Variants in MAPK9 observed in about 807,000 individuals in gnomAD.
MAPK9 encodes Jun kinase.
A neutral mutation model predicts 57.1 loss-of-function variants in MAPK9; 30 were observed. The observed-to-expected ratio is 0.53, with a 90% CI of 0.39 to 0.71. The LOEUF (loss-of-function observed/expected upper bound fraction) is 0.71, where lower values mean the gene tolerates loss of function less well. Ranked by LOEUF, MAPK9 falls within the 30% of genes least tolerant of loss-of-function variation. The pLI is 0.00. For synonymous variants in MAPK9, 155 were observed against 177.0 expected, an observed-to-expected ratio of 0.88 and a Z score of 0.99; for missense variants, 362 against 521.0, an observed-to-expected ratio of 0.69 and a Z score of 2.97.
chr5:180,241,002 A>T, intron 9 of MAPK9, 29 bp downstream of exon 9: 1 of 1,606,356 alleles, frequency 6.2e-7, no homozygotes, highest in East Asian at 2.2e-5. Context: ...TGGCCTCTCT[A>T]TATAAATCTT....
chr5:180,267,932 A>G (rs148972411), intron 3 of MAPK9, among the ~76,000 whole-genome samples: 3,878 of 152,038 alleles, frequency 0.026, 173 homozygotes, highest in African/African-American at 0.089. Context: ...GTGCTATCTC[A>G]GCTCACTGCA....
At chr5:180,241,796 C>T (rs1757684109) in intron 8 of MAPK9, among the ~76,000 whole-genome samples, 8 of 152,232 alleles carry the variant, frequency 5.3e-5, no homozygotes, top group Admixed American at 5.2e-4. Flanking sequence ...AGGAAGGTGG[C>T]AATTGCCGAG....
At chr5:180,278,704 AT>A (rs2127619199) in intron 2 of MAPK9, among the ~76,000 whole-genome samples, 1 of 152,106 alleles carries the variant, frequency 6.6e-6, no homozygotes, top group Admixed American at 6.5e-5. Flanking sequence ...TCTCAAAAAA[AT>A]AAATAAATAA....
chr5:180,238,360 C>G lies in MAPK9; in HGVS notation c.1104G>C (p.Lys368Asn). The change falls in exon 11 of 12, where the codon AAG becomes AAC. Residue 368 changes from lysine to asparagine, a missense_variant. By Grantham distance (94) the Lys-to-Asn change is moderately conservative. Coordinates refer to ENST00000452135, the MANE Select transcript of MAPK9 (RefSeq NM_002752.5). ...AAGGCTGATCTTTTACAACACCATT[C>G]TTGCTTCTTTCTTCCCAATCCATGA... ...KEVMDWEERS[K>N]NGVVKDQPSD... The G allele has an allele frequency of 1.2e-6, 2 of 1,612,716 alleles. No individual in the cohort carries two copies. Among genetic ancestry groups the G allele is most frequent in the East Asian group, 4.5e-5 (2 of 44,840 alleles).
intron 5 of MAPK9, among the ~76,000 whole-genome samples, chr5:180,250,380 C>T (rs1758549824): frequency 6.6e-6 from 1 of 152,206 alleles, no homozygotes; most frequent in South Asian, 2.1e-4. Flanking sequence ...TGCAAACTCA[C>T]TTGAGAAACT....
intron 11 of MAPK9, 192 bp downstream of exon 11, chr5:180,238,140 C>T (rs1452114558): frequency 9.4e-6 from 4 of 426,610 alleles, no homozygotes; most frequent in Admixed American, 7.8e-5. Flanking sequence ...CATGGTGGCG[C>T]GTGCCTGTAG....
chr5:180,238,092 A>C (rs1757329137), intron 11 of MAPK9: 2 of 308,704 alleles, frequency 6.5e-6, no homozygotes, highest in South Asian at 6.8e-5. Flanking sequence ...CAATATGGTG[A>C]AACCCCGTCT....
At position 180,233,487 on chromosome 5, in the gene MAPK9, AC is replaced by A. The variant is rs1395330066; in HGVS notation, c.*2896del. Reference sequence around the variant, plus strand: ...CTTGCTAATATTGATCAAAAGCATGACACTTTATCATCTATCTGTGTTCATG... The same window carrying A: ...CTTGCTAATATTGATCAAAAGCATGAACTTTATCATCTATCTGTGTTCATG... On this transcript the variant is annotated 3_prime_UTR_variant, in exon 12 of 12. Coordinates refer to ENST00000452135, the MANE Select transcript of MAPK9 (RefSeq NM_002752.5). 6.6e-6 allele frequency: 1 copy of A among 152,192 alleles called. No individual in the cohort carries two copies. The highest frequency in any genetic ancestry group is 1.5e-5 in the Non-Finnish European group (1 of 68,046). The allele number at this position is 152,192 out of a possible 1,614,324, so 9.4% of individuals were successfully genotyped here. A position where few individuals can be genotyped will look rare whatever the true frequency, so the allele number is the denominator to read the frequency against.
Position 180,269,400 on chromosome 5 carries a change from A to T in MAPK9, c.132T>A (p.Phe44Leu). The T allele has an allele frequency of 6.2e-7, 1 of 1,613,962 alleles. No individual in the cohort carries two copies. Among genetic ancestry groups the T allele is most frequent in the Non-Finnish European group, 8.5e-7 (1 of 1,179,820 alleles). ...SGAQGIVCAA[F>L]DTVLGINVAV... ...CAACATTTATCCCAAGAACTGTATC[A>T]AATGCAGCACTAGAATTAGGAAATA... The change falls in exon 3 of 12, where the codon TTT becomes TTA. Residue 44 changes from phenylalanine to leucine, a missense_variant. Physicochemically the swap from Phe to Leu is conservative, Grantham distance 22. This residue lies in a region of MAPK9 where 127 missense variants were observed against 231.7 expected (regional missense o/e 0.55). Coordinates refer to ENST00000452135, the MANE Select transcript of MAPK9 (RefSeq NM_002752.5).
At chr5:180,244,263 A>G (rs1484863124) in intron 7 of MAPK9, among the ~76,000 whole-genome samples, 1 of 152,098 alleles carries the variant, frequency 6.6e-6, no homozygotes, top group African/African-American at 2.4e-5. Flanking sequence ...GCTCCCGGCT[A>G]CACTAAGCCT....
At chr5:180,238,900 C>A (rs1036518525) in intron 10 of MAPK9, among the ~76,000 whole-genome samples, 1 of 152,178 alleles carries the variant, frequency 6.6e-6, no homozygotes, top group Non-Finnish European at 1.5e-5. Context: ...TGAGCCACTG[C>A]GCCTGGACTA....
At chr5:180,266,898 GA>G (rs2127601192) in intron 3 of MAPK9, among the ~76,000 whole-genome samples, 1 of 152,340 alleles carries the variant, frequency 6.6e-6, no homozygotes, top group Non-Finnish European at 1.5e-5. Context: ...TCAGGCGTTA[GA>G]ATGTTCATTG....
intron 4 of MAPK9, 120 bp downstream of exon 4, chr5:180,264,661 T>C (rs1449238126): frequency 2.2e-6 from 2 of 894,384 alleles, no homozygotes; most frequent in Admixed American, 7.8e-5. Flanking sequence ...GAGAAAGTTA[T>C]CTGTGATGTC....
chr5:180,256,869 C>T (rs963957692), intron 5 of MAPK9, among the ~76,000 whole-genome samples: 7 of 152,096 alleles, frequency 4.6e-5, no homozygotes, highest in Non-Finnish European at 7.4e-5. Flanking sequence ...ATGAATAAGG[C>T]CTAATGTAGT....
rs569104396 is a variant in MAPK9 at position 180,265,504 on chromosome 5, G to C, written c.253-665C>G. Among the ~76,000 whole-genome samples, 164 of 152,290 alleles carry C rather than the reference G, an allele frequency of 1.1e-3. 1 individual carries two copies. The highest frequency in any genetic ancestry group is 1.0e-4 in the Non-Finnish European group (7 of 68,032). ...TTTTCTAAGGAGCACTGCCCACTTT[G>C]CTCTTTACTTTTCTCTCTCCTGCCG... On this transcript the variant is annotated intron_variant, in intron 3 of 11. Coordinates refer to ENST00000452135, the MANE Select transcript of MAPK9 (RefSeq NM_002752.5).
chr5:180,267,648 GA>G (rs1192721346), intron 3 of MAPK9, among the ~76,000 whole-genome samples: 2 of 151,580 alleles, frequency 1.3e-5, no homozygotes, highest in Non-Finnish European at 2.9e-5. Context: ...TCAAAAGAAG[GA>G]AGCTCAGGAG....
chr5:180,278,018 T>C (rs928279012), intron 2 of MAPK9, among the ~76,000 whole-genome samples: 2 of 152,252 alleles, frequency 1.3e-5, no homozygotes, highest in African/African-American at 4.8e-5. Context: ...AATGTAACAA[T>C]TGTCTTATAG....
At chr5:180,267,974 C>T (rs543140149) in intron 3 of MAPK9, among the ~76,000 whole-genome samples, 27 of 152,146 alleles carry the variant, frequency 1.8e-4, no homozygotes, top group South Asian at 4.2e-4. Context: ...GCCATTCTCC[C>T]ACCTCACCCT....
At chr5:180,251,514 C>G (rs1177269781) in intron 5 of MAPK9, among the ~76,000 whole-genome samples, 1 of 152,170 alleles carries the variant, frequency 6.6e-6, no homozygotes, top group Non-Finnish European at 1.5e-5. Context: ...GATAAAGTCC[C>G]AAGCTTGTGT....
Sources: gnomAD v4.1 joint callset for allele counts (sites outside exome capture counted in the v4.1 genomes callset) on GRCh38, gnomAD v4.1.1 for gene constraint, gnomAD v4.1.1 regional missense constraint, MANE v1.5 for transcripts, NCBI Gene and HGNC (gene_info 2026-07-23, HGNC 2026-07-21) for gene names.